Variants in RANBP17 observed in about 807,000 individuals in gnomAD.
RANBP17 encodes the protein ran-binding protein 17.
In RANBP17, 158 loss-of-function variants were observed where a neutral mutation model predicts 141.2. The observed-to-expected ratio is 1.12, with a 90% CI of 0.98 to 1.28. The LOEUF is 1.28. Ranked by LOEUF, RANBP17 falls within the 50% of genes most tolerant of loss-of-function variation. The pLI is 0.00. For synonymous variants in RANBP17, 430 were observed against 450.0 expected (o/e 0.96, Z 0.56); for missense variants, 1,438 against 1,290.7 (o/e 1.11, Z -1.75).
At chr5:171,126,819 A>G (rs1020062961) in intron 14 of RANBP17, among the ~76,000 whole-genome samples, 4 of 152,200 alleles carry the variant, frequency 2.6e-5, no homozygotes, top group South Asian at 4.1e-4. Context: ...AACAAGACTG[A>G]ATCAGTAATA....
At chr5:170,929,292 A>G (rs922999509) in intron 12 of RANBP17, among the ~76,000 whole-genome samples, 25 of 152,080 alleles carry the variant, frequency 1.6e-4, no homozygotes, top group African/African-American at 5.1e-4. Context: ...AGAAGGGGAC[A>G]TTCTTGCCTT....
intron 6 of RANBP17, chr5:170,910,745 C>A: frequency 2.1e-6 from 1 of 470,610 alleles, no homozygotes; most frequent in South Asian, 2.8e-5. Context: ...CTCCAACATT[C>A]AGAGTTCTGA....
chr5:170,905,549 A>C (rs1771008897), intron 5 of RANBP17, among the ~76,000 whole-genome samples: 1 of 152,110 alleles, frequency 6.6e-6, no homozygotes, highest in African/African-American at 2.4e-5. Context: ...GTGATCTCTT[A>C]ACTTATCACG....
intron 18 of RANBP17, among the ~76,000 whole-genome samples, chr5:171,191,686 CA>C (rs200060268): frequency 0.1 from 13,029 of 128,066 alleles, 833 homozygotes; most frequent in African/African-American, 0.21. Flanking sequence ...GACTCCGTCT[CA>C]AAAAAAAAAA....
At chr5:170,870,572 A>G (rs1394553313) in intron 1 of RANBP17, among the ~76,000 whole-genome samples, 1 of 152,206 alleles carries the variant, frequency 6.6e-6, no homozygotes, top group African/African-American at 2.4e-5. Flanking sequence ...ATGGCTGCAT[A>G]GTATTCCATG....
chr5:170,917,060 A>G (rs1772037483), intron 9 of RANBP17, among the ~76,000 whole-genome samples: 1 of 152,066 alleles, frequency 6.6e-6, no homozygotes, highest in Non-Finnish European at 1.5e-5. Context: ...TTAAAAATGG[A>G]TGTTTCCATG....
chr5:170,882,321 C>G (rs1330604457), intron 3 of RANBP17, among the ~76,000 whole-genome samples: 2 of 152,118 alleles, frequency 1.3e-5, no homozygotes, highest in African/African-American at 2.4e-5. Flanking sequence ...ACCTCGTGAT[C>G]CGCCCTCCTT....
intron 24 of RANBP17, among the ~76,000 whole-genome samples, chr5:171,244,901 G>A (rs552137768): frequency 1.1e-4 from 16 of 152,158 alleles, no homozygotes; most frequent in African/African-American, 2.4e-4. Flanking sequence ...CGAGCTGGGC[G>A]GATCACGAGG....
At chr5:171,279,225 G>A (rs1767704791) in intron 25 of RANBP17, among the ~76,000 whole-genome samples, 3 of 152,142 alleles carry the variant, frequency 2.0e-5, no homozygotes, top group African/African-American at 7.2e-5. Flanking sequence ...TGTTCCTCCT[G>A]CATACTTCAG....
chr5:170,932,443 T>A (rs1773471914), intron 12 of RANBP17, among the ~76,000 whole-genome samples: 1 of 152,234 alleles, frequency 6.6e-6, no homozygotes, highest in African/African-American at 2.4e-5. Flanking sequence ...TCCAACACTA[T>A]GTTGAATAGG....
chr5:170,972,135 T>C (rs894905622), intron 14 of RANBP17, among the ~76,000 whole-genome samples: 7 of 152,112 alleles, frequency 4.6e-5, no homozygotes, highest in Non-Finnish European at 1.5e-5. Context: ...ACAGCACTGT[T>C]AACTTTATAT....
At chr5:170,910,547 C>T (rs1244379505) in intron 6 of RANBP17, 1 of 161,202 alleles carries the variant, frequency 6.2e-6, no homozygotes, top group Non-Finnish European at 1.4e-5. Flanking sequence ...CATGGCCAAT[C>T]TTGTTTTCTC....
chr5:171,253,792 A>G (rs1161127433), intron 24 of RANBP17, among the ~76,000 whole-genome samples: 1 of 152,212 alleles, frequency 6.6e-6, no homozygotes, highest in Non-Finnish European at 1.5e-5. Context: ...TTTAAATTAT[A>G]TCTGAAATCA....
intron 14 of RANBP17, among the ~76,000 whole-genome samples, chr5:171,060,562 T>C (rs1258237514): frequency 1.3e-5 from 2 of 152,178 alleles, no homozygotes; most frequent in East Asian, 1.9e-4. Flanking sequence ...GGATTCGGTT[T>C]GTCAGTATTT....
intron 14 of RANBP17, among the ~76,000 whole-genome samples, chr5:171,157,934 G>T (rs1021170879): frequency 6.6e-6 from 1 of 152,222 alleles, no homozygotes; most frequent in African/African-American, 2.4e-5. Context: ...GGTCTCCATT[G>T]CTATGCCTGC....
intron 26 of RANBP17, among the ~76,000 whole-genome samples, chr5:171,294,423 C>A (rs1039727133): frequency 5.3e-5 from 8 of 152,222 alleles, no homozygotes; most frequent in Middle Eastern, 3.2e-3. Context: ...GAGCACACAT[C>A]TCCAGCTTCT....
rs556342530 is a variant in RANBP17, at chr5:171,068,995, A to G, written c.1710+100618A>G. Among the ~76,000 whole-genome samples, 9 of 152,248 alleles carry G rather than the reference A, an allele frequency of 5.9e-5. No homozygotes were observed. In the East Asian group the frequency reaches 7.7e-4, roughly 13 times the overall value. The stretch of plus-strand genomic sequence containing the variant: ...GTTTTTGCGATATTTTGCGAAAACT[A>G]TCCTTGTCATGTGTGGTCACTGAGG... On this transcript the variant is annotated intron_variant, in intron 14 of 27. Transcript: ENST00000523189.
chr5:170,964,928 G>C (rs1423926675), intron 13 of RANBP17, among the ~76,000 whole-genome samples: 1 of 152,238 alleles, frequency 6.6e-6, no homozygotes, highest in East Asian at 1.9e-4. Flanking sequence ...TGGGATGGCT[G>C]GGTCAAATGG....
chr5:170,936,742 A>T (rs1773910331), intron 12 of RANBP17, among the ~76,000 whole-genome samples: 2 of 152,282 alleles, frequency 1.3e-5, no homozygotes, highest in South Asian at 4.1e-4. Flanking sequence ...GATAATGTTC[A>T]TATATTCTTT....
Sources: allele counts gnomAD v4.1 joint callset (sites outside exome capture counted in the v4.1 genomes callset), GRCh38; gene constraint gnomAD v4.1.1; transcripts MANE v1.5; gene names NCBI Gene and HGNC (gene_info 2026-07-23, HGNC 2026-07-21).